Variants in TBL1XR1 observed in about 807,000 individuals in gnomAD.
TBL1XR1 encodes F-box-like/WD repeat-containing protein TBL1XR1.
A neutral mutation model predicts 66.9 loss-of-function variants in TBL1XR1; 5 were observed. The ratio of observed to expected loss-of-function variants is 0.07; its 90% CI spans 0.04 to 0.16. TBL1XR1 has a LOEUF of 0.16. TBL1XR1 is among the 10% of genes least tolerant of loss of function. TBL1XR1 has a pLI of 1.00. For synonymous variants in TBL1XR1, 210 were observed against 206.0 expected (o/e 1.02, Z -0.17); for missense variants, 238 against 623.2 (o/e 0.38, Z 6.58).
rs557785283 is a variant in TBL1XR1 at position 177,053,600 on chromosome 3, T to G, written c.204+173A>C. Among the ~76,000 whole-genome samples, 8 of 152,330 alleles carry G rather than the reference T, an allele frequency of 5.3e-5. No individual in the cohort carries two copies. In the East Asian group the frequency reaches 1.5e-3, roughly 29 times the overall value. ...AACTACAGATAATGGTCCTTACAACTAGGCGCCAACACCTTGCCGGTGCAA... is the reference window on the plus strand; with the variant it reads ...AACTACAGATAATGGTCCTTACAACGAGGCGCCAACACCTTGCCGGTGCAA... On this transcript the variant is annotated intron_variant, in intron 4 of 15. Coordinates refer to ENST00000457928, the MANE Select transcript of TBL1XR1 (RefSeq NM_024665.7).
upstream of TBL1XR1, among the ~76,000 whole-genome samples, chr3:177,199,093 G>A (rs1390231594): frequency 1.3e-5 from 2 of 152,090 alleles, no homozygotes; most frequent in Non-Finnish European, 2.9e-5. Context: ...GAAAGGGAGT[G>A]GGATTGGAAA....
intron 1 of TBL1XR1, among the ~76,000 whole-genome samples, chr3:177,150,238 TTAAC>T (rs1440257438): frequency 2.6e-5 from 4 of 152,124 alleles, no homozygotes; most frequent in Non-Finnish European, 5.9e-5. Context: ...TTTTTTTAAA[TTAAC>T]AAACTGGCCT....
intron 11 of TBL1XR1, 64 bp downstream of exon 11, chr3:177,038,249 A>C: frequency 1.9e-6 from 3 of 1,596,934 alleles, no homozygotes; most frequent in Non-Finnish European, 2.6e-6. Context: ...TACATACTTT[A>C]AAACTATTCT....
intron 2 of TBL1XR1, among the ~76,000 whole-genome samples, chr3:177,088,857 T>G (rs1322184832): frequency 6.6e-6 from 1 of 151,558 alleles, no homozygotes; most frequent in Admixed American, 6.6e-5. Context: ...ACAATGTCCT[T>G]CTTTCTTCAC....
chr3:177,053,705 G>T, intron 4 of TBL1XR1, 68 bp downstream of exon 4: 1 of 1,449,934 alleles, frequency 6.9e-7, no homozygotes, highest in Non-Finnish European at 9.5e-7. Context: ...GAATAAGCAA[G>T]CAAGACAGCT....
chr3:177,126,097 C>T (rs555144760), intron 1 of TBL1XR1: 1 of 151,964 alleles, frequency 6.6e-6, no homozygotes, highest in African/African-American at 2.4e-5. Context: ...CCAATTTTAA[C>T]ATATGTGCTG....
At chr3:177,048,875 T>C (rs1716668344) in intron 7 of TBL1XR1, among the ~76,000 whole-genome samples, 1 of 152,242 alleles carries the variant, frequency 6.6e-6, no homozygotes. Flanking sequence ...CAGTGTAAAC[T>C]ATAAATTTCA....
intron 4 of TBL1XR1, among the ~76,000 whole-genome samples, chr3:177,053,288 C>G (rs1717352838): frequency 6.6e-6 from 1 of 152,124 alleles, no homozygotes; most frequent in African/African-American, 2.4e-5. Flanking sequence ...TGGCTATGTT[C>G]CAATCAAACT....
intron 1 of TBL1XR1, among the ~76,000 whole-genome samples, chr3:177,187,343 C>A (rs1735546770): frequency 7.2e-6 from 1 of 138,348 alleles, no homozygotes. Context: ...TGCAGTGAAC[C>A]AAGATTGTGC....
intron 2 of TBL1XR1, among the ~76,000 whole-genome samples, chr3:177,076,682 A>T (rs1207847980): frequency 1.3e-5 from 2 of 152,246 alleles, no homozygotes; most frequent in Non-Finnish European, 2.9e-5. Context: ...ACCTTCAGTC[A>T]TCTGTCCACC....
chr3:177,082,240 G>C (rs538988954), intron 2 of TBL1XR1, among the ~76,000 whole-genome samples: 5 of 152,094 alleles, frequency 3.3e-5, no homozygotes, highest in African/African-American at 1.2e-4. Flanking sequence ...AGTATATTTG[G>C]AGTGATAAAA....
chr3:177,200,883 T>C (rs1476574511), upstream of TBL1XR1, among the ~76,000 whole-genome samples: 2 of 151,730 alleles, frequency 1.3e-5, no homozygotes, highest in African/African-American at 4.8e-5. Flanking sequence ...GGCGGGTGCC[T>C]GTAATCGCAG....
intron 1 of TBL1XR1, among the ~76,000 whole-genome samples, chr3:177,149,385 C>G (rs1730622914): frequency 6.6e-6 from 1 of 152,116 alleles, no homozygotes; most frequent in African/African-American, 2.4e-5. Flanking sequence ...TCAATATTCC[C>G]TACTCTAATT....
intron 2 of TBL1XR1, among the ~76,000 whole-genome samples, chr3:177,092,836 T>C (rs1354401561): frequency 6.6e-6 from 1 of 152,134 alleles, no homozygotes; most frequent in Non-Finnish European, 1.5e-5. Context: ...TGCACATCCA[T>C]GTTCAAAGCA....
At chr3:177,139,438 G>A (rs1243926546) in intron 1 of TBL1XR1, among the ~76,000 whole-genome samples, 1 of 152,010 alleles carries the variant, frequency 6.6e-6, no homozygotes, top group African/African-American at 2.4e-5. Flanking sequence ...GGGCGGCTGA[G>A]GCAGGAGAAT....
At chr3:177,162,161 G>A (rs898945523) in intron 1 of TBL1XR1, among the ~76,000 whole-genome samples, 5 of 152,154 alleles carry the variant, frequency 3.3e-5, no homozygotes, top group East Asian at 1.9e-4. Context: ...TCAGAATAGC[G>A]CAATGTTGAA....
At position 177,081,274 on chromosome 3, in the gene TBL1XR1, CT is replaced by C. The variant is rs1344243609; in HGVS notation, c.-45-16253del. Among the ~76,000 whole-genome samples, 10 of 152,154 alleles carry C rather than the reference CT, an allele frequency of 6.6e-5. No individual in the cohort carries two copies. The East Asian group carries it at 1.9e-3, about 29-fold the overall frequency. On this transcript the variant is annotated intron_variant, in intron 2 of 15. Transcript: ENST00000457928. ...TGTGATAGAAATCTTTGAAACAAAACTTTCATTTACATGAAATTTATTTTTC... is the reference window on the plus strand; with the variant it reads ...TGTGATAGAAATCTTTGAAACAAAACTTCATTTACATGAAATTTATTTTTC...
At chr3:177,082,489 C>T (rs986156747) in intron 2 of TBL1XR1, among the ~76,000 whole-genome samples, 5 of 151,340 alleles carry the variant, frequency 3.3e-5, no homozygotes, top group Non-Finnish European at 5.9e-5. Flanking sequence ...TAATCTGATA[C>T]ATATATTTAA....
chr3:177,036,413 C>T (rs772043109), intron 12 of TBL1XR1, among the ~76,000 whole-genome samples: 8 of 152,204 alleles, frequency 5.3e-5, no homozygotes, highest in Non-Finnish European at 8.8e-5. Flanking sequence ...TACACATTAT[C>T]CATCCATCCT....
Sources: gnomAD v4.1 joint callset for allele counts (sites outside exome capture counted in the v4.1 genomes callset) on GRCh38, gnomAD v4.1.1 for gene constraint, MANE v1.5 for transcripts, NCBI Gene and HGNC (gene_info 2026-07-23, HGNC 2026-07-21) for gene names.